C6orf89: variants seen among roughly 807,000 people sequenced by gnomAD.
The protein encoded by C6orf89 is chromosome 6 open reading frame 89.
Under a neutral mutation model 40.7 loss-of-function variants are expected in C6orf89, and 29 were observed. The ratio of observed to expected loss-of-function variants is 0.71; its 90% CI spans 0.53 to 0.97. The LOEUF is 0.97. Ranked by LOEUF, C6orf89 falls within the 50% of genes least tolerant of loss-of-function variation. The pLI is 0.00. For synonymous variants in C6orf89, 165 were observed against 152.2 expected, an observed-to-expected ratio of 1.08 and a Z score of -0.62; for missense variants, 392 against 429.1, an observed-to-expected ratio of 0.91 and a Z score of 0.76.
intron 1 of C6orf89, among the ~76,000 whole-genome samples, chr6:36,892,542 C>G (rs1291478850): frequency 6.6e-6 from 1 of 152,134 alleles, no homozygotes; most frequent in Admixed American, 6.5e-5. Context: ...TGTCTTCAGA[C>G]ATTGCCAAAT....
At chr6:36,892,316 C>T (rs12213912) in intron 1 of C6orf89, among the ~76,000 whole-genome samples, 31,846 of 152,042 alleles carry the variant, frequency 0.21, 3,435 homozygotes, top group East Asian at 0.3. Flanking sequence ...CTAATAGTAC[C>T]CCTCCAGTTT....
At chr6:36,874,969 C>G (rs1315675086) in intron 1 of C6orf89, 1 of 604,846 alleles carries the variant, frequency 1.7e-6, no homozygotes, top group East Asian at 3.0e-5. Flanking sequence ...AAGCTGGGCT[C>G]AAGAACAGAG....
chr6:36,916,699 A>C lies in C6orf89; in HGVS notation c.825+125A>C. The C allele has an allele frequency of 3.4e-6, 4 of 1,172,772 alleles. No homozygotes were observed. The South Asian group carries it at 5.7e-5, about 17-fold the overall frequency. The allele number at this position is 1,172,772 out of a possible 1,614,324, so 72.6% of individuals were successfully genotyped here. On this transcript the variant is annotated intron_variant, in intron 7 of 8. Transcript: ENST00000480824. ...TACAGGGTGAATTGAGGGGACACCC[A>C]CACAGTCTAGTTCTCCCCTCCTGCT...
At chr6:36,891,509 C>T (rs1236221474) in intron 1 of C6orf89, among the ~76,000 whole-genome samples, 1 of 152,130 alleles carries the variant, frequency 6.6e-6, no homozygotes, top group African/African-American at 2.4e-5. Flanking sequence ...GGTATATACC[C>T]AGTAATGGGA....
intron 4 of C6orf89, among the ~76,000 whole-genome samples, chr6:36,912,736 G>A (rs1762171900): frequency 6.6e-6 from 1 of 152,126 alleles, no homozygotes. Context: ...GTTGCCTCCA[G>A]GAAACACAGA....
chr6:36,877,398 T>C (rs562363838), intron 1 of C6orf89, among the ~76,000 whole-genome samples: 11 of 152,298 alleles, frequency 7.2e-5, no homozygotes, highest in Non-Finnish European at 1.5e-4. Context: ...TGGCACAATC[T>C]CAGCTCACTG....
At chr6:36,915,468 G>GT (rs943883304) in intron 6 of C6orf89, among the ~76,000 whole-genome samples, 2 of 152,120 alleles carry the variant, frequency 1.3e-5, no homozygotes, top group African/African-American at 4.8e-5. Context: ...GTAGCTAGGC[G>GT]TGGTGGCTCA....
chr6:36,908,306 C>CT (rs1762000573), intron 4 of C6orf89, among the ~76,000 whole-genome samples: 1 of 152,160 alleles, frequency 6.6e-6, no homozygotes, highest in Non-Finnish European at 1.5e-5. Context: ...AGATACCTCT[C>CT]TGGGGCCAGC....
Position 36,924,052 on chromosome 6 carries a change from T to G in C6orf89, c.*611T>G, listed in dbSNP as rs1369283673. 6.1e-6 allele frequency: 1 copy of G among 162,824 alleles called. No individual in the cohort carries two copies. Among genetic ancestry groups the G allele is most frequent in the Non-Finnish European group, 1.4e-5 (1 of 73,374 alleles). The allele number at this position is 162,824 out of a possible 1,614,324, so 10.1% of individuals were successfully genotyped here. On this transcript the variant is annotated 3_prime_UTR_variant, in exon 9 of 9. Coordinates refer to ENST00000480824, the MANE Select transcript of C6orf89 (RefSeq NM_001286635.2). Reference sequence around the variant, plus strand: ...TCTTGGAGTCTCCGTGATGCCAGGCTAGAGTCTGATTATATAATAATTCAA... The same window carrying G: ...TCTTGGAGTCTCCGTGATGCCAGGCGAGAGTCTGATTATATAATAATTCAA...
At chr6:36,923,218 G>GA in intron 8 of C6orf89, 129 bp from the exon 9 acceptor site, 1 of 626,110 alleles carries the variant, frequency 1.6e-6, no homozygotes, top group South Asian at 2.1e-5. Context: ...AAATTAAATA[G>GA]AAAAAGATTT....
chr6:36,912,204 G>A (rs1762153365), intron 4 of C6orf89, among the ~76,000 whole-genome samples: 1 of 152,108 alleles, frequency 6.6e-6, no homozygotes, highest in African/African-American at 2.4e-5. Context: ...CATCTGCTGT[G>A]TTCTTCCTGC....
At chr6:36,900,624 C>G in intron 3 of C6orf89, among the ~76,000 whole-genome samples, 1 of 151,660 alleles carries the variant, frequency 6.6e-6, no homozygotes, top group South Asian at 2.1e-4. Flanking sequence ...CTCAGCCTCC[C>G]AAGTACCTAG....
At chr6:36,871,926 G>C (rs909253665) in exon 1 of C6orf89, 5 of 1,458,470 alleles carry the variant, frequency 3.4e-6, no homozygotes, top group South Asian at 2.8e-5. Context: ...GGGCAGACAG[G>C]AGTATTATGG....
intron 4 of C6orf89, among the ~76,000 whole-genome samples, chr6:36,910,734 A>C (rs1583186983): frequency 6.6e-6 from 1 of 152,154 alleles, no homozygotes; most frequent in East Asian, 1.9e-4. Flanking sequence ...CTCTAAAAAA[A>C]AAAAAAAGGC....
At position 36,926,607 on chromosome 6, in the gene C6orf89, G is replaced by GAGGGA. The variant is rs1762688699; in HGVS notation, c.*3170_*3171insAAGGG. 1 of 128,214 alleles carries GAGGGA rather than the reference G, an allele frequency of 7.8e-6. No homozygotes were observed. The highest frequency in any genetic ancestry group is 1.7e-5 in the Non-Finnish European group (1 of 57,828). The allele number at this position is 128,214 out of a possible 1,614,324, so 7.9% of individuals were successfully genotyped here. ...GAGGGGAGGGAAAGGGAAGGGAGGG[G>GAGGGA]AGGGGAGGAGAGGAGAGCAGATTGG... is the stretch of plus-strand genomic sequence containing the variant. On this transcript the variant is annotated 3_prime_UTR_variant, in exon 9 of 9. Transcript: ENST00000480824.
At position 36,902,430 on chromosome 6, in the gene C6orf89, T is replaced by G; in HGVS notation, c.399T>G (p.Phe133Leu). The part of the protein sequence containing the change: ...PLHGGDEDRP[F>L]PDFDPWWTND... Reference sequence around the variant, plus strand: ...ATGGGGGTGATGAAGACAGACCCTTTCCAGGTAAAATGCAACATTTATTAC... The same window carrying G: ...ATGGGGGTGATGAAGACAGACCCTTGCCAGGTAAAATGCAACATTTATTAC... The change falls in exon 4 of 9, where the codon TTT (phenylalanine) becomes TTG (leucine). Residue 133 changes from phenylalanine to leucine, a missense_variant. Physicochemically the swap from Phe to Leu is conservative, Grantham distance 22 (BLOSUM62 0). Coordinates refer to ENST00000480824, the MANE Select transcript of C6orf89 (RefSeq NM_001286635.2). 1.2e-6 allele frequency: 2 copies of G among 1,613,772 alleles called. No homozygotes were observed. The highest frequency in any genetic ancestry group is 1.7e-6 in the Non-Finnish European group (2 of 1,179,672).
intron 4 of C6orf89, among the ~76,000 whole-genome samples, chr6:36,907,276 T>TTTTG (rs2150701431): frequency 1.3e-5 from 1 of 78,254 alleles, no homozygotes; most frequent in East Asian, 4.4e-4. Context: ...GAAAGAAATC[T>TTTTG]TTTGTTTTGT....
chr6:36,878,980 A>G (rs781156113), intron 1 of C6orf89: 1 of 152,234 alleles, frequency 6.6e-6, no homozygotes, highest in Non-Finnish European at 1.5e-5. Flanking sequence ...CTTCAAACTT[A>G]ATTCAGCCAA....
intron 7 of C6orf89, among the ~76,000 whole-genome samples, chr6:36,917,599 G>A (rs902539727): frequency 6.6e-6 from 1 of 152,144 alleles, no homozygotes; most frequent in East Asian, 1.9e-4. Flanking sequence ...CTATCGCTTG[G>A]CTCCAAATTT....
Sources: gnomAD v4.1 joint callset for allele counts (sites outside exome capture counted in the v4.1 genomes callset) on GRCh38, gnomAD v4.1.1 for gene constraint, MANE v1.5 for transcripts, NCBI Gene and HGNC (gene_info 2026-07-23, HGNC 2026-07-21) for gene names.